The following SLC35D1 variants were observed in gnomAD, a reference collection of about 807,000 sequenced individuals.
SLC35D1 encodes nucleotide sugar transporter SLC35D1.
Under a neutral mutation model 46.7 loss-of-function variants are expected in SLC35D1, and 31 were observed. That is an observed-to-expected ratio of 0.66 (90% CI 0.50 to 0.90). SLC35D1 has a LOEUF of 0.90. Ranked by LOEUF, SLC35D1 falls within the 40% of genes least tolerant of loss-of-function variation. The pLI is 0.00. For missense variants in SLC35D1, 397 were observed against 426.2 expected (o/e 0.93, Z 0.60); for synonymous variants, 195 against 164.6 (o/e 1.18, Z -1.41).
At chr1:67,052,705 T>TG (rs561643730) in intron 3 of SLC35D1, 66 bp downstream of exon 3, 538 of 1,544,786 alleles carry the variant, frequency 3.5e-4, no homozygotes, top group Non-Finnish European at 4.0e-4. Flanking sequence ...CGCAAGGCAC[T>TG]GATAAAATAT....
intron 7 of SLC35D1, among the ~76,000 whole-genome samples, chr1:67,044,342 A>AG (rs1354717443): frequency 6.6e-6 from 1 of 152,250 alleles, no homozygotes; most frequent in East Asian, 1.9e-4. Context: ...GAAAAAAAAA[A>AG]AAAAAACCCC....
intron 8 of SLC35D1, among the ~76,000 whole-genome samples, chr1:67,040,863 A>C (rs1371174572): frequency 6.6e-6 from 1 of 152,204 alleles, no homozygotes; most frequent in East Asian, 1.9e-4. Flanking sequence ...TTGCCTCAAG[A>C]TTTAGAACCA....
chr1:67,028,010 G>C (rs1667947223), intron 8 of SLC35D1, among the ~76,000 whole-genome samples: 1 of 152,126 alleles, frequency 6.6e-6, no homozygotes, highest in African/African-American at 2.4e-5. Flanking sequence ...GGGATTGCAG[G>C]AGTGAGCCAC....
At chr1:67,046,164 C>A (rs943407500) in intron 7 of SLC35D1, among the ~76,000 whole-genome samples, 12 of 150,402 alleles carry the variant, frequency 8.0e-5, no homozygotes, top group Non-Finnish European at 1.2e-4. Context: ...AAAAACAAAA[C>A]AAAAAAAAAT....
At chr1:67,052,880 T>G (rs1197258173) in intron 2 of SLC35D1, 23 bp from the exon 3 acceptor site, 5 of 1,613,688 alleles carry the variant, frequency 3.1e-6, no homozygotes, top group Non-Finnish European at 4.2e-6. Flanking sequence ...GAACACAGAT[T>G]CACTGTTCTA....
Position 67,014,970 on chromosome 1 carries a change from A to G in SLC35D1, c.876+5399T>C, listed in dbSNP as rs1005771679. 3.3e-5 allele frequency among the ~76,000 whole-genome samples: 5 copies of G among 151,354 alleles called. No individual in the cohort carries two copies. In the East Asian group the frequency reaches 9.6e-4, roughly 29 times the overall value. Reference sequence around the variant, plus strand: ...CTCTATTCTTTGTCTTGCACTGCACATAGTTACAATTACTTATTTCCTAGG... The same window carrying G: ...CTCTATTCTTTGTCTTGCACTGCACGTAGTTACAATTACTTATTTCCTAGG... On this transcript the variant is annotated intron_variant, in intron 10 of 11. Transcript: ENST00000235345.
intron 11 of SLC35D1, among the ~76,000 whole-genome samples, chr1:67,005,144 G>C (rs970339840): frequency 6.6e-6 from 1 of 152,134 alleles, no homozygotes; most frequent in African/African-American, 2.4e-5. Flanking sequence ...AAGTAGTCTG[G>C]AGGAGCTCAC....
At chr1:66,985,144 A>G in the SLC35D1 span, 14 of 1,080,050 alleles carry the variant, frequency 1.3e-5, no homozygotes, top group Admixed American at 9.2e-5. Flanking sequence ...ATATATCTCT[A>G]CCTTCTCATT....
At chr1:67,049,692 G>C in intron 6 of SLC35D1, 90 bp downstream of exon 6, 1 of 1,126,776 alleles carries the variant, frequency 8.9e-7, no homozygotes. Context: ...TTCTTATTTA[G>C]GCAATAAAAA....
chr1:67,049,897 A>G, intron 5 of SLC35D1, 47 bp from the exon 6 acceptor site: 1 of 1,365,676 alleles, frequency 7.3e-7, no homozygotes, highest in Non-Finnish European at 1.0e-6. Flanking sequence ...TTATTCCCAC[A>G]CTCATTTTAC....
chr1:67,053,678 C>T (rs1465759575), intron 1 of SLC35D1, 133 bp downstream of exon 1: 3 of 885,020 alleles, frequency 3.4e-6, no homozygotes, highest in East Asian at 7.9e-5. Context: ...GCGTCAGCCG[C>T]CCGCCCTCCC....
chr1:67,021,756 C>CACACACACACACACACAT (rs1558155444), intron 8 of SLC35D1, among the ~76,000 whole-genome samples, 154 bp from the exon 9 acceptor site: 1 of 150,782 alleles, frequency 6.6e-6, no homozygotes, highest in Non-Finnish European at 1.5e-5. Flanking sequence ...CACACACACA[C>CACACACACACACACACAT]ACAGGTATAT....
intron 11 of SLC35D1, among the ~76,000 whole-genome samples, chr1:67,008,697 A>T (rs183588171): frequency 1.1e-4 from 17 of 152,204 alleles, no homozygotes; most frequent in African/African-American, 4.1e-4. Flanking sequence ...AAAAATATAC[A>T]CTAAAAATGC....
the SLC35D1 span, among the ~76,000 whole-genome samples, chr1:66,978,845 A>G: frequency 1.3e-5 from 2 of 152,180 alleles, no homozygotes; most frequent in African/African-American, 4.8e-5. Flanking sequence ...TTAGGTAGGG[A>G]TGTGCCACCA....
At chr1:66,989,776 A>G in the SLC35D1 span, among the ~76,000 whole-genome samples, 1 of 152,222 alleles carries the variant, frequency 6.6e-6, no homozygotes, top group African/African-American at 2.4e-5. Flanking sequence ...AACATTTTTA[A>G]AAAGAAAACA....
chr1:66,988,821 C>T, the SLC35D1 span, among the ~76,000 whole-genome samples: 6 of 152,192 alleles, frequency 3.9e-5, no homozygotes. Context: ...TCGGCCTATA[C>T]TTGTACCAGG....
chr1:67,010,346 C>T (rs1460480047), intron 10 of SLC35D1, among the ~76,000 whole-genome samples: 1 of 152,134 alleles, frequency 6.6e-6, no homozygotes, highest in Non-Finnish European at 1.5e-5. Context: ...AATATCTTTG[C>T]ATCTTCTTCT....
At chr1:67,011,860 T>C (rs6698599) in intron 10 of SLC35D1, among the ~76,000 whole-genome samples, 28,989 of 152,094 alleles carry the variant, frequency 0.19, 5,073 homozygotes, top group African/African-American at 0.47. Context: ...TAGCTTTTGG[T>C]TCTCTGTGGC....
chr1:67,020,287 A>C (rs971817806), intron 10 of SLC35D1, 82 bp downstream of exon 10: 4 of 883,894 alleles, frequency 4.5e-6, no homozygotes, highest in Non-Finnish European at 7.7e-6. Context: ...TTGGGTCTTA[A>C]GGCCATCAAC....
Sources: gnomAD v4.1 joint callset for allele counts (sites outside exome capture counted in the v4.1 genomes callset) on GRCh38, gnomAD v4.1.1 for gene constraint, MANE v1.5 for transcripts, NCBI Gene and HGNC (gene_info 2026-07-23, HGNC 2026-07-21) for gene names.